The following GRIK4 variants were observed in gnomAD, a reference collection of about 807,000 sequenced individuals.
GRIK4 encodes the protein glutamate ionotropic receptor kainate type subunit 4, also known as glutamate receptor ionotropic, kainate 4.
GRIK4 carries 40 observed loss-of-function variants against 104.9 expected under a neutral mutation model. The observed-to-expected ratio is 0.38, with a 90% confidence interval of 0.30 to 0.50. The LOEUF (loss-of-function observed/expected upper bound fraction) is 0.50, where lower values mean the gene tolerates loss of function less well. Ranked by LOEUF, GRIK4 falls within the 20% of genes least tolerant of loss-of-function variation. The pLI, the probability that GRIK4 is intolerant of heterozygous loss-of-function variation, is 0.93. For synonymous variants in GRIK4, 485 were observed against 524.9 expected (o/e 0.92, Z 1.04); for missense variants, 1,047 against 1,308.1 (o/e 0.80, Z 3.08).
rs115468556 is a variant in GRIK4, at chr11:120,819,218, G to T, written c.346-537G>T. On this transcript the variant is annotated intron_variant, in intron 5 of 20. Transcript: ENST00000527524. This position sits in a 1 kb window ranked among gnomAD's most constrained non-coding sequence, Gnocchi z 4.3. ...TGTGTCTGTGCGGGAGCCCATCCCC[G>T]CCCCACTTCCTCTCCCTGGGCATTC... Among the ~76,000 whole-genome samples the T allele has an allele frequency of 6.6e-6, 1 of 152,122 alleles. No individual in the cohort carries two copies. Among genetic ancestry groups the T allele is most frequent in the Admixed American group, 6.5e-5 (1 of 15,274 alleles).
intron 1 of GRIK4, among the ~76,000 whole-genome samples, chr11:120,569,181 A>T (rs778901371): frequency 1.1e-4 from 17 of 152,218 alleles, no homozygotes; most frequent in Non-Finnish European, 2.5e-4. Flanking sequence ...TGGCAGTGCT[A>T]CAAGCTGGAT....
At chr11:120,741,910 A>G (rs1266654595) in intron 3 of GRIK4, among the ~76,000 whole-genome samples, 1 of 152,178 alleles carries the variant, frequency 6.6e-6, no homozygotes, top group Non-Finnish European at 1.5e-5. Flanking sequence ...CTAAGAGGAG[A>G]CATAGATCTG....
At chr11:120,810,347 A>G (rs1342722337) in intron 4 of GRIK4, among the ~76,000 whole-genome samples, 1 of 152,216 alleles carries the variant, frequency 6.6e-6, no homozygotes, top group Non-Finnish European at 1.5e-5. Context: ...TTGGGAACCA[A>G]CATCACCAGG....
At chr11:120,881,457 G>A (rs182047395) in intron 11 of GRIK4, among the ~76,000 whole-genome samples, 2 of 152,312 alleles carry the variant, frequency 1.3e-5, no homozygotes, top group East Asian at 1.9e-4. Flanking sequence ...GAGAGGGCCA[G>A]TAATAAGCCT....
At chr11:120,845,737 C>G (rs1358454016) in intron 8 of GRIK4, among the ~76,000 whole-genome samples, 1 of 152,080 alleles carries the variant, frequency 6.6e-6, no homozygotes, top group African/African-American at 2.4e-5. Flanking sequence ...GCAATTGATT[C>G]CAAAGTGTAG....
At chr11:120,587,517 G>A (rs1948682640) in intron 1 of GRIK4, among the ~76,000 whole-genome samples, 1 of 152,160 alleles carries the variant, frequency 6.6e-6, no homozygotes, top group Non-Finnish European at 1.5e-5. Context: ...TATGTAAATC[G>A]CTTGGCACAG....
chr11:120,530,540 A>G (rs970322391), intron 1 of GRIK4, among the ~76,000 whole-genome samples: 2 of 152,214 alleles, frequency 1.3e-5, no homozygotes, highest in African/African-American at 4.8e-5. Context: ...TGGCTGGGTG[A>G]ATAGCTTTCA....
At chr11:120,828,457 G>T (rs532480020) in intron 6 of GRIK4, among the ~76,000 whole-genome samples, 2 of 152,106 alleles carry the variant, frequency 1.3e-5, no homozygotes, top group African/African-American at 4.8e-5. Flanking sequence ...TAGTTGGGGG[G>T]TGAGTGGGAA....
chr11:120,759,742 CAG>C (rs774913558), intron 3 of GRIK4, among the ~76,000 whole-genome samples: 5 of 152,136 alleles, frequency 3.3e-5, no homozygotes. Flanking sequence ...CAGCGATTGG[CAG>C]AGTTTTTCCA....
intron 8 of GRIK4, among the ~76,000 whole-genome samples, chr11:120,854,479 C>G (rs1954054535): frequency 6.6e-6 from 1 of 152,170 alleles, no homozygotes; most frequent in African/African-American, 2.4e-5. Context: ...TTATAGGTTG[C>G]CTGTGGCCCT....
At chr11:120,719,977 AAG>A (rs1172073024) in intron 3 of GRIK4, among the ~76,000 whole-genome samples, 1 of 152,020 alleles carries the variant, frequency 6.6e-6, no homozygotes, top group African/African-American at 2.4e-5. Flanking sequence ...CAATTCAAGA[AAG>A]AGATAAGGTA....
intron 8 of GRIK4, among the ~76,000 whole-genome samples, chr11:120,854,575 G>T (rs1022289820): frequency 2.6e-5 from 4 of 152,210 alleles, no homozygotes; most frequent in Admixed American, 6.5e-5. Context: ...CACCTTTGTG[G>T]CGTGATCTGG....
chr11:120,979,554 C>T (rs903318224), intron 19 of GRIK4, among the ~76,000 whole-genome samples: 6 of 152,110 alleles, frequency 3.9e-5, no homozygotes, highest in Admixed American at 1.3e-4. Flanking sequence ...TCAAAAAGCT[C>T]GGCCATGGAA....
At chr11:120,876,879 C>T (rs2135691078) in intron 11 of GRIK4, among the ~76,000 whole-genome samples, 1 of 152,348 alleles carries the variant, frequency 6.6e-6, no homozygotes, top group East Asian at 1.9e-4. Context: ...GTCAAGCACC[C>T]AAGGTGATTC....
rs149876850 is a variant in GRIK4 at position 120,706,899 on chromosome 11, A to G, written c.82+46499A>G. Among the ~76,000 whole-genome samples the G allele has an allele frequency of 5.3e-5, 8 of 152,268 alleles. No individual in the cohort carries two copies. The East Asian group carries it at 1.4e-3, about 26-fold the overall frequency. On this transcript the variant is annotated intron_variant, in intron 3 of 20. Coordinates refer to ENST00000527524, the MANE Select transcript of GRIK4 (RefSeq NM_014619.5). ...ACTGTCTTTATTTGTTAGGATCACCATATGAACGGACTGACAGTGCTGACA... is the reference window on the plus strand; with the variant it reads ...ACTGTCTTTATTTGTTAGGATCACCGTATGAACGGACTGACAGTGCTGACA...
chr11:120,547,361 C>T (rs1459719677), intron 1 of GRIK4, among the ~76,000 whole-genome samples: 1 of 152,224 alleles, frequency 6.6e-6, no homozygotes, highest in African/African-American at 2.4e-5. Context: ...GTGACCTCAG[C>T]CAGTGGGCGA....
At chr11:120,948,321 A>G (rs1943913774) in intron 14 of GRIK4, among the ~76,000 whole-genome samples, 1 of 152,190 alleles carries the variant, frequency 6.6e-6, no homozygotes, top group Non-Finnish European at 1.5e-5. Flanking sequence ...GTCCTTGGCT[A>G]TGCTGGGAGG....
chr11:120,714,854 G>T (rs1240200384), intron 3 of GRIK4, among the ~76,000 whole-genome samples: 1 of 152,174 alleles, frequency 6.6e-6, no homozygotes, highest in Admixed American at 6.5e-5. Flanking sequence ...AGGCTCTTAG[G>T]AGTCTTGTTA....
chr11:120,954,654 C>G (rs993571665), intron 15 of GRIK4, among the ~76,000 whole-genome samples: 2 of 152,032 alleles, frequency 1.3e-5, no homozygotes, highest in African/African-American at 4.8e-5. Flanking sequence ...TTCAACCAGC[C>G]CTGGGGTGTT....
Sources: gnomAD v4.1 joint callset for allele counts (sites outside exome capture counted in the v4.1 genomes callset) on GRCh38, gnomAD v4.1.1 for gene constraint, Gnocchi (gnomAD v3.1) non-coding constraint, MANE v1.5 for transcripts, NCBI Gene and HGNC (gene_info 2026-07-23, HGNC 2026-07-21) for gene names.